ZNF345: variants seen among roughly 807,000 people sequenced by gnomAD.
The protein encoded by ZNF345 is zinc finger protein HZF10.
For synonymous variants in ZNF345, 166 were observed against 187.9 expected, an observed-to-expected ratio of 0.88 and a Z score of 0.95; for missense variants, 527 against 589.9, an observed-to-expected ratio of 0.89 and a Z score of 1.10.
In ZNF345 at chr19:36,878,062, C is replaced by T; in HGVS notation, c.1232C>T (p.Ser411Leu). The T allele has an allele frequency of 6.2e-7, 1 of 1,614,010 alleles. No homozygotes were observed. The highest frequency in any genetic ancestry group is 2.2e-5 in the East Asian group (1 of 44,846). Residue 411 changes from serine (S) to leucine (L), a missense_variant, in exon 3 of 3, where the codon TCA becomes TTA. Ser to Leu is a moderately radical substitution (Grantham distance 145). Transcript: ENST00000420450. ...TGTGGAAAGTCCTTTAGTAGTGGTT[C>T]AGCTCTTAATCGGCACCAGAGAATA... The part of the protein sequence containing the change: ...KECGKSFSSG[S>L]ALNRHQRIHT...
exon 4 of ZNF345, chr19:36,892,903 G>A (rs1470223201): frequency 2.0e-5 from 23 of 1,145,620 alleles, no homozygotes; most frequent in South Asian, 8.0e-5. Flanking sequence ...CCATCAGCAT[G>A]CCCAGGCAGG....
chr19:36,881,420 A>G (rs2072967299), downstream of ZNF345, among the ~76,000 whole-genome samples: 1 of 152,166 alleles, frequency 6.6e-6, no homozygotes, highest in Admixed American at 6.5e-5. Flanking sequence ...GATTTTAATC[A>G]CCAGAACTGA....
intron 3 of ZNF345, chr19:36,889,590 GATATTTT>G (rs2073031374): frequency 6.6e-6 from 1 of 152,040 alleles, no homozygotes; most frequent in South Asian, 2.1e-4. Flanking sequence ...AGTTTCTGCT[GATATTTT>G]ATATGTCTGT....
At chr19:36,887,489 T>A (rs1176819251) in intron 3 of ZNF345, among the ~76,000 whole-genome samples, 3 of 152,202 alleles carry the variant, frequency 2.0e-5, no homozygotes, top group African/African-American at 7.2e-5. Context: ...TTATAATTAT[T>A]CTGTAAATCT....
chr19:36,881,140 A>T (rs528577447), downstream of ZNF345, among the ~76,000 whole-genome samples: 5 of 152,354 alleles, frequency 3.3e-5, no homozygotes, highest in East Asian at 9.6e-4. Flanking sequence ...TACTCTAGAG[A>T]CTTTACAGAT....
chr19:36,893,035 C>G (rs1403713562), downstream of ZNF345: 1 of 402,884 alleles, frequency 2.5e-6, no homozygotes, highest in East Asian at 3.6e-5. Context: ...CTCACATGCA[C>G]AGAGTATGAT....
chr19:36,859,947 C>A (rs969071639), intron 2 of ZNF345, among the ~76,000 whole-genome samples: 1 of 151,664 alleles, frequency 6.6e-6, no homozygotes, highest in Non-Finnish European at 1.5e-5. Flanking sequence ...GACTAAGTTG[C>A]AGATTTTTTT....
intron 2 of ZNF345, among the ~76,000 whole-genome samples, chr19:36,856,284 T>G (rs2072417560): frequency 6.6e-6 from 1 of 152,194 alleles, no homozygotes; most frequent in African/African-American, 2.4e-5. Context: ...ATATATAACT[T>G]TTCAATCCAT....
intron 2 of ZNF345, among the ~76,000 whole-genome samples, chr19:36,871,975 C>G (rs2072780174): frequency 6.6e-6 from 1 of 152,096 alleles, no homozygotes; most frequent in African/African-American, 2.4e-5. Flanking sequence ...CCATGTTGGT[C>G]AGGCTGGTCT....
chr19:36,877,986 A>T lies in ZNF345; in HGVS notation c.1156A>T (p.Ile386Phe), dbSNP rs1208121429. Residue 386 changes from isoleucine to phenylalanine, a missense_variant, in exon 3 of 3, where the codon ATC (isoleucine) becomes TTC (phenylalanine). Ile to Phe is a conservative substitution (Grantham distance 21, BLOSUM62 0). Coordinates refer to ENST00000420450, the MANE Select transcript of ZNF345 (RefSeq NM_001242472.2). ...GGCCTTTGGTAGTGGCTCAAAACTT[A>T]TCCAACACCAGCTAATCCATACTGG... is the stretch of plus-strand genomic sequence containing the variant. ...GKAFGSGSKL[I>F]QHQLIHTGER... is the part of the protein sequence containing the mutation. The T allele has an allele frequency of 6.2e-7, 1 of 1,614,014 alleles. No individual in the cohort carries two copies. The highest frequency in any genetic ancestry group is 8.5e-7 in the Non-Finnish European group (1 of 1,179,906).
At chr19:36,875,624 A>C (rs1007999153) in intron 2 of ZNF345, among the ~76,000 whole-genome samples, 6 of 152,204 alleles carry the variant, frequency 3.9e-5, no homozygotes, top group Non-Finnish European at 8.8e-5. Context: ...CTGGAAATGC[A>C]GGCAGGTAGA....
At chr19:36,874,637 G>A (rs1380834467) in intron 2 of ZNF345, among the ~76,000 whole-genome samples, 2 of 152,026 alleles carry the variant, frequency 1.3e-5, no homozygotes, top group Non-Finnish European at 2.9e-5. Context: ...AAATTAGCCA[G>A]GCGTGGTGGC....
At chr19:36,886,008 C>T (rs1247467743) in intron 3 of ZNF345, among the ~76,000 whole-genome samples, 8 of 152,072 alleles carry the variant, frequency 5.3e-5, no homozygotes, top group Non-Finnish European at 1.0e-4. Context: ...GCTTTCAGGG[C>T]GTTCACAACA....
chr19:36,877,363 A>C lies in ZNF345; in HGVS notation c.533A>C (p.Glu178Ala). ...GGTGAGAAGCCTTATGAGTGTAAGG[A>C]ATGTGGGAAGTCCTTTAGTTTTGAA... Reference protein sequence around the residue: ...HSGEKPYECKECGKSFSFESA... With the variant: ...HSGEKPYECKACGKSFSFESA... Residue 178 changes from glutamate (E) to alanine (A), a missense_variant, in exon 3 of 3, where the codon GAA becomes GCA. Physicochemically the swap from Glu to Ala is moderately radical, Grantham distance 107. Transcript: ENST00000420450. The C allele has an allele frequency of 1.2e-6, 2 of 1,614,130 alleles. No individual in the cohort carries two copies. The highest frequency in any genetic ancestry group is 8.5e-7 in the Non-Finnish European group (1 of 1,180,014).
intron 2 of ZNF345, among the ~76,000 whole-genome samples, chr19:36,872,225 C>T (rs2072785009): frequency 1.3e-5 from 2 of 152,106 alleles, no homozygotes; most frequent in South Asian, 4.1e-4. Flanking sequence ...TATGATGGTA[C>T]ATCTTTTATT....
intron 2 of ZNF345, among the ~76,000 whole-genome samples, chr19:36,857,345 C>A (rs971088239): frequency 6.6e-6 from 1 of 152,068 alleles, no homozygotes; most frequent in African/African-American, 2.4e-5. Flanking sequence ...CTTGCTCTGT[C>A]GCCCAGGCTG....
At chr19:36,880,467 A>G (rs528449322), downstream of ZNF345, among the ~76,000 whole-genome samples, 30 of 152,296 alleles carry the variant, frequency 2.0e-4, no homozygotes, top group Non-Finnish European at 2.9e-5. Flanking sequence ...ATATTAATTC[A>G]GTACTCATCT....
intron 2 of ZNF345, among the ~76,000 whole-genome samples, chr19:36,854,248 T>TA (rs930795895): frequency 2.9e-4 from 44 of 151,666 alleles, no homozygotes; most frequent in Admixed American, 2.6e-4. Flanking sequence ...TTTTTTTTTT[T>TA]TTATTGAGCA....
intron 2 of ZNF345, among the ~76,000 whole-genome samples, chr19:36,855,447 CTT>C (rs34265794): frequency 3.4e-5 from 2 of 58,566 alleles, no homozygotes; most frequent in African/African-American, 7.0e-5. Flanking sequence ...CGAGCCTGGC[CTT>C]TTTTTTTTTT....
Sources: gnomAD v4.1 joint callset for allele counts (sites outside exome capture counted in the v4.1 genomes callset) on GRCh38, gnomAD v4.1.1 for gene constraint, MANE v1.5 for transcripts, NCBI Gene and HGNC (gene_info 2026-07-23, HGNC 2026-07-21) for gene names.